The following WWOX variants were observed in gnomAD, a reference collection of about 807,000 sequenced individuals.
The protein encoded by WWOX is WW domain-containing oxidoreductase.
In WWOX, 69 loss-of-function variants were observed where a neutral mutation model predicts 46.2. The ratio of observed to expected loss-of-function variants is 1.49; its 90% CI spans 1.23 to 1.82. The LOEUF is 1.82. Ranked by LOEUF, WWOX falls within the 40% of genes most tolerant of loss-of-function variation. The pLI, the probability that WWOX is intolerant of heterozygous loss-of-function variation, is 0.00. For missense variants in WWOX, 919 were observed against 542.6 expected, an observed-to-expected ratio of 1.69 and a Z score of -6.89; for synonymous variants, 359 against 202.6, an observed-to-expected ratio of 1.77 and a Z score of -6.56.
chr16:79,110,787 C>T (rs1045606496), intron 8 of WWOX: 3 of 152,180 alleles, frequency 2.0e-5, no homozygotes, highest in Admixed American at 1.3e-4. Flanking sequence ...TGCCAGTACC[C>T]AGTTTGAATC....
At chr16:78,177,158 A>G (rs973056061) in intron 5 of WWOX, among the ~76,000 whole-genome samples, 12 of 152,230 alleles carry the variant, frequency 7.9e-5, no homozygotes, top group Non-Finnish European at 1.5e-4. Flanking sequence ...TTTCTTTTAT[A>G]AAAGGGCGGG....
intron 8 of WWOX, among the ~76,000 whole-genome samples, chr16:78,488,608 G>C (rs893501126): frequency 2.6e-5 from 4 of 152,136 alleles, no homozygotes; most frequent in African/African-American, 7.2e-5. Context: ...CCGTGGAGCT[G>C]CTTGTGATAT....
Position 78,113,962 on chromosome 16 carries a change from T to C in WWOX, c.231-1014T>C, listed in dbSNP as rs1597216303. On this transcript the variant is annotated intron_variant, in intron 3 of 8. Coordinates refer to ENST00000566780, the MANE Select transcript of WWOX (RefSeq NM_016373.4). The stretch of plus-strand genomic sequence containing the variant: ...CATACTTTTAAAATATGAAATTTCA[T>C]CTATATTTAGAGGCTTCTTAATAGT... 2.2e-5 allele frequency among the ~76,000 whole-genome samples: 3 copies of C among 139,054 alleles called. No homozygotes were observed. The South Asian group carries it at 6.6e-4, about 31-fold the overall frequency. 91.2% of individuals were successfully genotyped at this position (139,054 alleles called of 152,430 possible). A position where few individuals can be genotyped will look rare whatever the true frequency, so the allele number is the denominator to read the frequency against.
chr16:78,982,326 A>G (rs1224368660), intron 8 of WWOX, among the ~76,000 whole-genome samples: 1 of 152,176 alleles, frequency 6.6e-6, no homozygotes, highest in Non-Finnish European at 1.5e-5. Flanking sequence ...GGGGAAAAAA[A>G]TACCTCCTCT....
chr16:78,374,207 C>G (rs1274899521), intron 5 of WWOX, among the ~76,000 whole-genome samples: 1 of 152,134 alleles, frequency 6.6e-6, no homozygotes, highest in African/African-American at 2.4e-5. Flanking sequence ...TCCTTTCTGT[C>G]TTTCTCTGTT....
chr16:79,000,177 G>A (rs1597257538), intron 8 of WWOX, among the ~76,000 whole-genome samples: 1 of 152,216 alleles, frequency 6.6e-6, no homozygotes, highest in African/African-American at 2.4e-5. Flanking sequence ...CCTTCACTGG[G>A]CTCCGAAGCT....
chr16:78,310,872 C>A (rs2080228603), intron 5 of WWOX, among the ~76,000 whole-genome samples: 1 of 152,198 alleles, frequency 6.6e-6, no homozygotes, highest in Non-Finnish European at 1.5e-5. Flanking sequence ...GCCCCAGACC[C>A]ACCTTCGAGG....
At chr16:79,132,648 A>G (rs1204344283) in intron 8 of WWOX, among the ~76,000 whole-genome samples, 4 of 152,118 alleles carry the variant, frequency 2.6e-5, no homozygotes, top group Non-Finnish European at 5.9e-5. Context: ...ACAAGAATAA[A>G]TCCCTTAGGA....
At chr16:78,351,811 C>G (rs866570447) in intron 5 of WWOX, among the ~76,000 whole-genome samples, 3 of 152,144 alleles carry the variant, frequency 2.0e-5, no homozygotes, top group African/African-American at 7.2e-5. Flanking sequence ...CGTGTATCAC[C>G]AGGCCCAGCT....
At chr16:78,976,363 G>A (rs1439027454) in intron 8 of WWOX, among the ~76,000 whole-genome samples, 1 of 152,158 alleles carries the variant, frequency 6.6e-6, no homozygotes, top group Non-Finnish European at 1.5e-5. Flanking sequence ...TCAGGTCCTC[G>A]CTCACTCCCA....
chr16:78,680,700 C>G (rs139743803), intron 8 of WWOX, among the ~76,000 whole-genome samples: 1 of 152,338 alleles, frequency 6.6e-6, no homozygotes, highest in East Asian at 1.9e-4. Flanking sequence ...GTGGCTCCCA[C>G]TGTGGGTAGC....
rs2151487369 is a variant in WWOX, at chr16:78,511,624, C to T, written c.1056+78872C>T. On this transcript the variant is annotated intron_variant, in intron 8 of 8. Transcript: ENST00000566780. The stretch of plus-strand genomic sequence containing the variant: ...ATTCTCGTTGAGTACTGCATTCAGA[C>T]AGAGGTTGCCAATAAAGTTTATTGT... Among the ~76,000 whole-genome samples, 4 of 152,284 alleles carry T rather than the reference C, an allele frequency of 2.6e-5. No homozygotes were observed. In the South Asian group the frequency reaches 8.3e-4, roughly 32 times the overall value.
chr16:79,051,763 C>T (rs2150529812), intron 8 of WWOX, among the ~76,000 whole-genome samples: 1 of 152,338 alleles, frequency 6.6e-6, no homozygotes, highest in African/African-American at 2.4e-5. Flanking sequence ...ATAGTAACTT[C>T]TCTTAGAAGC....
intron 5 of WWOX, among the ~76,000 whole-genome samples, chr16:78,359,838 A>C (rs948226251): frequency 6.6e-6 from 1 of 152,140 alleles, no homozygotes; most frequent in Admixed American, 6.5e-5. Flanking sequence ...TTCCTGGGAG[A>C]GGTGACTATG....
chr16:78,429,708 T>C lies in WWOX; in HGVS notation c.792-2780T>C, dbSNP rs968604211. Among the ~76,000 whole-genome samples, 4 of 152,354 alleles carry C rather than the reference T, an allele frequency of 2.6e-5. 1 individual carries two copies. The South Asian group carries it at 8.3e-4, about 32-fold the overall frequency. ...TAGCACCTTTGTGTGACACCTCTTC[T>C]GTAATACCTTATTATGTTGAAATAA... On this transcript the variant is annotated intron_variant, in intron 7 of 8. Transcript: ENST00000566780.
In WWOX at chr16:78,119,342, G is replaced by A. The variant is rs112178146; in HGVS notation, c.409+4188G>A. 8.3e-3 allele frequency among the ~76,000 whole-genome samples: 1,259 copies of A among 152,244 alleles called. 16 individuals carry two copies. Among genetic ancestry groups the A allele is most frequent in the African/African-American group, 0.029 (1,210 of 41,536 alleles). On this transcript the variant is annotated intron_variant, in intron 4 of 8. Coordinates refer to ENST00000566780, the MANE Select transcript of WWOX (RefSeq NM_016373.4). The stretch of plus-strand genomic sequence containing the variant: ...TCGCATTGAGGAAGGTCCCTGCTTC[G>A]TTTTTAGACACAGCCTATCAGTCAG...
chr16:78,099,948 C>G, intron 1 of WWOX, 63 bp downstream of exon 1: 1 of 1,532,684 alleles, frequency 6.5e-7, no homozygotes, highest in Non-Finnish European at 8.8e-7. Context: ...CGGACGCCAC[C>G]TGCGCGGGGA....
In WWOX at chr16:79,188,490, G is replaced by A. The variant is rs575305174; in HGVS notation, c.1057-23118G>A. ...AATGTCAGGACCAGTAGGAGGTTCA[G>A]CACGCATTGCCAGAGAAATCACAGA... On this transcript the variant is annotated intron_variant, in intron 8 of 8. Coordinates refer to ENST00000566780, the MANE Select transcript of WWOX (RefSeq NM_016373.4). 2.6e-5 allele frequency among the ~76,000 whole-genome samples: 4 copies of A among 152,334 alleles called. No homozygotes were observed. In the South Asian group the frequency reaches 8.3e-4, roughly 32 times the overall value.
At chr16:78,792,389 A>G (rs540404991) in intron 8 of WWOX, among the ~76,000 whole-genome samples, 1 of 152,140 alleles carries the variant, frequency 6.6e-6, no homozygotes, top group Non-Finnish European at 1.5e-5. Context: ...ACAGGCAGAA[A>G]CATAAAAAGC....
Sources: allele counts gnomAD v4.1 joint callset (sites outside exome capture counted in the v4.1 genomes callset), GRCh38; gene constraint gnomAD v4.1.1; transcripts MANE v1.5; gene names NCBI Gene and HGNC (gene_info 2026-07-23, HGNC 2026-07-21).